DNAH12: variants seen among roughly 807,000 people sequenced by gnomAD.
DNAH12 encodes axonemal beta dynein heavy chain 12.
DNAH12 carries 285 observed loss-of-function variants against 371.5 expected under a neutral mutation model. That is an observed-to-expected ratio of 0.77 (90% CI 0.70 to 0.85). DNAH12 has a LOEUF of 0.85. Among genes scored for constraint, DNAH12 ranks in the 40% least tolerant of loss-of-function variants. The pLI, the probability that DNAH12 is intolerant of heterozygous loss-of-function variation, is 0.00. For missense variants in DNAH12, 3,611 were observed against 3,689.4 expected (o/e 0.98, Z 0.55); for synonymous variants, 1,200 against 1,213.0 (o/e 0.99, Z 0.22).
chr3:57,379,021 T>A (rs915001016), intron 52 of DNAH12, 137 bp downstream of exon 52: 1 of 152,228 alleles, frequency 6.6e-6, no homozygotes, highest in African/African-American at 2.4e-5. Context: ...ATGCAATCGA[T>A]ATATGATAGT....
chr3:57,516,281 C>G (rs780769681), intron 4 of DNAH12, among the ~76,000 whole-genome samples: 1 of 151,776 alleles, frequency 6.6e-6, no homozygotes. Flanking sequence ...TCAGGCTGGT[C>G]TCGAACTCCT....
At chr3:57,405,266 T>A in intron 41 of DNAH12, 119 bp from the exon 42 acceptor site, 2 of 816,902 alleles carry the variant, frequency 2.4e-6, no homozygotes, top group Non-Finnish European at 3.7e-6. Flanking sequence ...ATTAGGGTAG[T>A]AAAAAATGCA....
Position 57,507,820 on chromosome 3 carries a change from G to A in DNAH12, c.720C>T (p.Asp240=). The A allele has an allele frequency of 1.9e-6, 3 of 1,584,948 alleles. No homozygotes were observed. The highest frequency in any genetic ancestry group is 2.6e-6 in the Non-Finnish European group (3 of 1,173,662). Reference sequence around the variant, plus strand: ...ATAGATCAGTTTTCAGTGATTCACAGTCAATTGGACCTTTAGCTCTATTTA... The same window carrying A: ...ATAGATCAGTTTTCAGTGATTCACAATCAATTGGACCTTTAGCTCTATTTA... The part of the protein sequence containing the change: ...FTGIRAKGPI[D]CESLKTDLSI... Residue 240 remains aspartate (D), a synonymous_variant, in exon 8 of 74, where the codon GAC becomes GAT. Transcript: ENST00000495027.
intron 59 of DNAH12, among the ~76,000 whole-genome samples, chr3:57,356,924 G>A (rs1490394549): frequency 2.0e-5 from 3 of 151,784 alleles, no homozygotes; most frequent in African/African-American, 7.3e-5. Flanking sequence ...TGTATTTTTA[G>A]TAGATATGGG....
intron 10 of DNAH12, 99 bp from the exon 11 acceptor site, chr3:57,501,511 ATAT>A (rs2067545000): frequency 2.6e-6 from 2 of 766,162 alleles, no homozygotes; most frequent in Non-Finnish European, 4.2e-6. Context: ...ACTCAATTAA[ATAT>A]TATTATTAAT....
chr3:57,502,552 T>TGTC lies in DNAH12; in HGVS notation c.1087-74_1087-73insGAC. On this transcript the variant is annotated intron_variant, in intron 9 of 73. Coordinates refer to ENST00000495027, the MANE Select transcript of DNAH12 (RefSeq NM_001366028.2). ...GTATAATTAATCTATATGTAGATCT[T>TGTC]TTTTTTTTTCCTTTGGAGACGGAGT... 2.1e-6 allele frequency: 3 copies of TGTC among 1,415,778 alleles called. 1 individual carries two copies. The African/African-American group carries it at 4.4e-5, about 21-fold the overall frequency. 87.7% of individuals were successfully genotyped at this position (1,415,778 alleles called of 1,614,324 possible).
At chr3:57,477,739 G>A (rs537623154) in intron 13 of DNAH12, among the ~76,000 whole-genome samples, 3 of 152,236 alleles carry the variant, frequency 2.0e-5, no homozygotes, top group East Asian at 1.9e-4. Flanking sequence ...CCAGAGGAAC[G>A]ATCAGGCAGC....
intron 4 of DNAH12, among the ~76,000 whole-genome samples, chr3:57,522,146 C>T (rs1401638682): frequency 6.6e-6 from 1 of 152,038 alleles, no homozygotes; most frequent in Non-Finnish European, 1.5e-5. Flanking sequence ...ATCACTAGAA[C>T]TTGGGAGATG....
In DNAH12 at chr3:57,471,486, C is replaced by G. The variant is rs773054598; in HGVS notation, c.1897G>C (p.Glu633Gln). Residue 633 changes from glutamate to glutamine, a missense_variant, in exon 15 of 74, where the codon GAG becomes CAG. Glu to Gln is a conservative substitution (Grantham distance 29, BLOSUM62 2). Around this residue, in one of 3 missense-constraint regions of DNAH12, gnomAD observed 1,314 missense variants for 1,398.7 expected, o/e 0.94. Transcript: ENST00000495027. Reference protein sequence around the residue: ...MEEFTEFAELERMQQYVTDVR... With the variant: ...MEEFTEFAELQRMQQYVTDVR... ...ATTTATCAGACCTGTTGCATGCGCT[C>G]CAGCTCTGCAAATTCTGTAAACTCC... 3.9e-6 allele frequency: 6 copies of G among 1,546,650 alleles called. No individual in the cohort carries two copies. The South Asian group carries it at 7.2e-5, about 19-fold the overall frequency.
At position 57,459,443 on chromosome 3, in the gene DNAH12, C is replaced by T. The variant is rs187023473; in HGVS notation, c.2931+149G>A. The T allele has an allele frequency of 1.1e-5, 8 of 741,634 alleles. No individual in the cohort carries two copies. The East Asian group carries it at 1.5e-4, about 14-fold the overall frequency. 45.9% of individuals were successfully genotyped at this position (741,634 alleles called of 1,614,324 possible). A position where few individuals can be genotyped will look rare whatever the true frequency, so the allele number is the denominator to read the frequency against. On this transcript the variant is annotated intron_variant, in intron 20 of 73. Transcript: ENST00000495027. ...ATTGAAAAGTAAACTTATTTTAATA[C>T]TTTTATGCTTTCTTATATTTTTCTG...
intron 48 of DNAH12, 119 bp downstream of exon 48, chr3:57,385,230 G>A (rs1285327095): frequency 6.6e-6 from 1 of 152,216 alleles, no homozygotes; most frequent in Non-Finnish European, 1.5e-5. Flanking sequence ...GAGATAGCCA[G>A]TCAATGGAAA....
intron 59 of DNAH12, among the ~76,000 whole-genome samples, chr3:57,352,741 A>G (rs1466880740): frequency 6.6e-6 from 1 of 152,150 alleles, no homozygotes; most frequent in Non-Finnish European, 1.5e-5. Context: ...ATTATGAAAC[A>G]TTTGCCCGCC....
chr3:57,306,266 A>C (rs997759197), intron 69 of DNAH12, among the ~76,000 whole-genome samples: 2 of 152,020 alleles, frequency 1.3e-5, no homozygotes, highest in Non-Finnish European at 2.9e-5. Flanking sequence ...TACAGAGGCT[A>C]CCCACTTCAC....
chr3:57,433,472 T>C lies in DNAH12; in HGVS notation c.4875A>G (p.Glu1625=), dbSNP rs748252050. The C allele has an allele frequency of 3.9e-6, 6 of 1,551,462 alleles. No individual in the cohort carries two copies. The highest frequency in any genetic ancestry group is 5.2e-6 in the Non-Finnish European group (6 of 1,146,900). Residue 1625 remains glutamate, a synonymous_variant, in exon 32 of 74, where the codon GAA becomes GAG. Coordinates refer to ENST00000495027, the MANE Select transcript of DNAH12 (RefSeq NM_001366028.2). ...TDGIVANTFR[E]FALSETPDRK... The stretch of plus-strand genomic sequence containing the variant: ...GGTCAGGTGTTTCTGATAAGGCAAA[T>C]TCTCTAAAAGTGTTAGCCACAATAC...
At chr3:57,369,228 A>AAAAT (rs1296017727) in intron 55 of DNAH12, among the ~76,000 whole-genome samples, 15 of 131,712 alleles carry the variant, frequency 1.1e-4, no homozygotes, top group African/African-American at 3.8e-4. Flanking sequence ...TTAAAAAAAA[A>AAAAT]ATATATATAT....
the DNAH12 span, among the ~76,000 whole-genome samples, chr3:57,550,412 A>G: frequency 6.6e-6 from 1 of 152,232 alleles, no homozygotes; most frequent in Non-Finnish European, 1.5e-5. Flanking sequence ...CTTTGACCAC[A>G]TAAGAAATCC....
At chr3:57,391,666 C>T (rs1039436526) in intron 45 of DNAH12, among the ~76,000 whole-genome samples, 1 of 152,170 alleles carries the variant, frequency 6.6e-6, no homozygotes, top group Non-Finnish European at 1.5e-5. Context: ...TTACTGACTG[C>T]TTTTTCTGTC....
At chr3:57,458,693 T>G (rs2065970046) in intron 20 of DNAH12, among the ~76,000 whole-genome samples, 1 of 152,240 alleles carries the variant, frequency 6.6e-6, no homozygotes, top group Non-Finnish European at 1.5e-5. Context: ...AAGAATATTT[T>G]GTGACATATG....
rs1050029064 is a variant in DNAH12 at position 57,461,794 on chromosome 3, T to C, written c.2536-105A>G. ...AGTAAGAATTTGATGTATTACATTA[T>C]CATTTCCTTAAGATAATCTGTGAGT... On this transcript the variant is annotated intron_variant, in intron 18 of 73. Transcript: ENST00000495027. 1.2e-5 allele frequency: 11 copies of C among 902,856 alleles called. No homozygotes were observed. The South Asian group carries it at 1.9e-4, about 15-fold the overall frequency. 55.9% of individuals were successfully genotyped at this position (902,856 alleles called of 1,614,324 possible).
Sources: allele counts gnomAD v4.1 joint callset (sites outside exome capture counted in the v4.1 genomes callset), GRCh38; gene constraint gnomAD v4.1.1; regional missense constraint gnomAD v4.1.1; transcripts MANE v1.5; gene names NCBI Gene and HGNC (gene_info 2026-07-23, HGNC 2026-07-21).